LNX2: variants seen among roughly 807,000 people sequenced by gnomAD.
LNX2 encodes ligand of Numb protein X 2.
A neutral mutation model predicts 66.2 loss-of-function variants in LNX2; 35 were observed. That is an observed-to-expected ratio of 0.53 (90% confidence interval 0.40 to 0.70). The LOEUF is 0.70. Ranked by LOEUF, LNX2 falls within the 30% of genes least tolerant of loss-of-function variation. The pLI is 0.00. For synonymous variants in LNX2, 337 were observed against 315.6 expected, an observed-to-expected ratio of 1.07 and a Z score of -0.72; for missense variants, 791 against 850.8, an observed-to-expected ratio of 0.93 and a Z score of 0.87.
chr13:27,550,420 CCAA>C lies in LNX2; in HGVS notation c.1847_1849del (p.Val616del), dbSNP rs1954993339. ...ATTGGTGTGGTTCTCTTCATATCCA[CCAA>C]CGATACTAAAGCCCCAACTTCCCAA... On this transcript the variant is annotated inframe_deletion, in exon 9 of 10. Transcript: ENST00000316334. 1 of 1,613,806 alleles carries C rather than the reference CCAA, an allele frequency of 6.2e-7. No individual in the cohort carries two copies. Among genetic ancestry groups the C allele is most frequent in the Admixed American group, 1.7e-5 (1 of 59,992 alleles).
chr13:27,574,648 A>G (rs1174552046), intron 2 of LNX2, among the ~76,000 whole-genome samples: 1 of 152,226 alleles, frequency 6.6e-6, no homozygotes, highest in Non-Finnish European at 1.5e-5. Flanking sequence ...GAATATTTGA[A>G]GAAATAATGG....
At chr13:27,574,326 C>T (rs1259030354) in intron 2 of LNX2, among the ~76,000 whole-genome samples, 1 of 152,174 alleles carries the variant, frequency 6.6e-6, no homozygotes, top group African/African-American at 2.4e-5. Flanking sequence ...TGCCTGTAAT[C>T]TCAGCTACTT....
intron 1 of LNX2, among the ~76,000 whole-genome samples, chr13:27,582,823 T>C (rs1010991345): frequency 7.2e-5 from 11 of 152,130 alleles, no homozygotes; most frequent in African/African-American, 2.7e-4. Context: ...CAAACCACCA[T>C]GGCACATGTA....
At chr13:27,591,705 T>C (rs1955547963) in intron 1 of LNX2, among the ~76,000 whole-genome samples, 1 of 152,130 alleles carries the variant, frequency 6.6e-6, no homozygotes, top group African/African-American at 2.4e-5. Flanking sequence ...ATCCCTGCCC[T>C]TGTGAAGTTA....
intron 1 of LNX2, among the ~76,000 whole-genome samples, chr13:27,613,940 A>G (rs1699891646): frequency 6.6e-6 from 1 of 152,232 alleles, no homozygotes; most frequent in Non-Finnish European, 1.5e-5. Flanking sequence ...AAATACAACT[A>G]AACTGAAGTC....
intron 1 of LNX2, among the ~76,000 whole-genome samples, chr13:27,598,003 G>A (rs1284274662): frequency 1.3e-5 from 2 of 152,014 alleles, no homozygotes; most frequent in Non-Finnish European, 2.9e-5. Context: ...AAACTGTACT[G>A]TTGAGAAATA....
chr13:27,597,427 G>C (rs1220934015), intron 1 of LNX2, among the ~76,000 whole-genome samples: 2 of 152,166 alleles, frequency 1.3e-5, no homozygotes, highest in South Asian at 2.1e-4. Flanking sequence ...GACAGTTATG[G>C]GGAACAAGGA....
At position 27,569,246 on chromosome 13, in the gene LNX2, G is replaced by A. The variant is rs770880103; in HGVS notation, c.438C>T (p.Ala146=). Residue 146 remains alanine, a synonymous_variant, in exon 3 of 10, where the codon GCC becomes GCT. Transcript: ENST00000316334. ...TTCTACTAGTTTTCCTTCTCTCCAGGGCAACTCTCCGATGAGAAGCTCCAG... is the reference window on the plus strand; with the variant it reads ...TTCTACTAGTTTTCCTTCTCTCCAGAGCAACTCTCCGATGAGAAGCTCCAG... ...RCPGASHRRV[A]LERRKTSRTQ... is the part of the protein sequence containing the mutation. 10 of 1,612,948 alleles carry A rather than the reference G, an allele frequency of 6.2e-6. No homozygotes were observed. The highest frequency in any genetic ancestry group is 7.6e-6 in the Non-Finnish European group (9 of 1,179,550).
intron 2 of LNX2, among the ~76,000 whole-genome samples, chr13:27,574,311 G>A (rs1955319527): frequency 6.6e-6 from 1 of 152,158 alleles, no homozygotes; most frequent in African/African-American, 2.4e-5. Context: ...AGGTTTGGTG[G>A]CGCATGCCTG....
At chr13:27,590,473 C>T (rs1474460375) in intron 1 of LNX2, among the ~76,000 whole-genome samples, 1 of 152,028 alleles carries the variant, frequency 6.6e-6, no homozygotes, top group Non-Finnish European at 1.5e-5. Flanking sequence ...CCCGCCTCGG[C>T]CTCCCACGGC....
chr13:27,616,453 C>T (rs930525073), intron 1 of LNX2, among the ~76,000 whole-genome samples: 2 of 152,106 alleles, frequency 1.3e-5, no homozygotes, highest in Non-Finnish European at 2.9e-5. Context: ...CATGTCCGAC[C>T]TCCACTTCCC....
intron 1 of LNX2, among the ~76,000 whole-genome samples, chr13:27,602,690 T>C (rs1213109761): frequency 6.6e-6 from 1 of 152,186 alleles, no homozygotes; most frequent in East Asian, 1.9e-4. Context: ...GGTAAATACC[T>C]AAGAGTAGAA....
At position 27,548,443 on chromosome 13, in the gene LNX2, A is replaced by AT. The variant is rs773693750; in HGVS notation, c.1964dup (p.Asn655LysfsTer54). The AT allele has an allele frequency of 1.2e-6, 2 of 1,614,112 alleles. No individual in the cohort carries two copies. The highest frequency in any genetic ancestry group is 1.7e-5 in the Admixed American group (1 of 60,002). On this transcript the variant is annotated frameshift_variant, in exon 10 of 10. Transcript: ENST00000316334. LOFTEE classifies it high-confidence loss of function. ...GGCTCATGCCCACGGTTGACAGCCC[A>AT]TTTACGGCCACAATCATGTCACCAC...
intron 8 of LNX2, 116 bp from the exon 9 acceptor site, chr13:27,550,607 G>T (rs1447375948): frequency 4.4e-6 from 3 of 689,508 alleles, no homozygotes; most frequent in Non-Finnish European, 4.8e-6. Context: ...AAGAAAAAGG[G>T]CTATTAATAA....
intron 6 of LNX2, 60 bp from the exon 7 acceptor site, chr13:27,556,473 A>AACT: frequency 6.5e-6 from 9 of 1,379,860 alleles, no homozygotes; most frequent in Non-Finnish European, 6.1e-6. Flanking sequence ...AAGTAAAGTT[A>AACT]TTACTTCAAA....
intron 9 of LNX2, among the ~76,000 whole-genome samples, chr13:27,548,846 G>A (rs1292022834): frequency 6.6e-6 from 1 of 152,110 alleles, no homozygotes; most frequent in Non-Finnish European, 1.5e-5. Flanking sequence ...TCATACATCT[G>A]AGGGCTGAAT....
intron 3 of LNX2, among the ~76,000 whole-genome samples, chr13:27,568,589 C>T (rs1955235157): frequency 6.6e-6 from 1 of 151,976 alleles, no homozygotes; most frequent in Non-Finnish European, 1.5e-5. Flanking sequence ...AAACAAAAAC[C>T]CAAACTTAAA....
Position 27,610,829 on chromosome 13 carries a change from G to A in LNX2, c.-101+9546C>T, listed in dbSNP as rs1955764631. On this transcript the variant is annotated intron_variant, in intron 1 of 9. Coordinates refer to ENST00000316334, the MANE Select transcript of LNX2 (RefSeq NM_153371.4). ...TGTGAACAGACATTTCTCCAAAAAT[G>A]ATACAGAAATGGCCAACAAGCATAT... 1.3e-5 allele frequency among the ~76,000 whole-genome samples: 2 copies of A among 152,082 alleles called. 1 individual carries two copies. Among genetic ancestry groups the A allele is most frequent in the East Asian group, 3.8e-4 (2 of 5,196 alleles).
chr13:27,587,448 A>G (rs1955499696), intron 1 of LNX2, among the ~76,000 whole-genome samples: 1 of 152,234 alleles, frequency 6.6e-6, no homozygotes, highest in African/African-American at 2.4e-5. Flanking sequence ...AGGCATTTAA[A>G]AAAGATTGTT....
Sources: allele counts gnomAD v4.1 joint callset (sites outside exome capture counted in the v4.1 genomes callset), GRCh38; gene constraint gnomAD v4.1.1; transcripts MANE v1.5; gene names NCBI Gene and HGNC (gene_info 2026-07-23, HGNC 2026-07-21).